Variants in PFKFB2 observed in about 807,000 individuals in gnomAD.
PFKFB2 encodes 6-phosphofructo-2-kinase/fructose-2,6-biphosphatase 2.
A neutral mutation model predicts 68.0 loss-of-function variants in PFKFB2; 53 were observed. The ratio of observed to expected loss-of-function variants is 0.78; its 90% CI spans 0.63 to 0.98. PFKFB2 has a LOEUF of 0.98. Among genes scored for constraint, PFKFB2 ranks in the 50% least tolerant of loss-of-function variants. The pLI is 0.00. For missense variants in PFKFB2, 451 were observed against 642.0 expected (o/e 0.70, Z 3.22); for synonymous variants, 222 against 227.6 (o/e 0.98, Z 0.22).
At chr1:207,061,165 TTA>T (rs201702529) in intron 2 of PFKFB2, among the ~76,000 whole-genome samples, 839 of 45,092 alleles carry the variant, frequency 0.019, 19 homozygotes, top group East Asian at 0.034. Context: ...ATATATATCT[TTA>T]TATATATATA....
chr1:207,038,352 G>GC (rs1215199557), intron 1 of PFKFB2, among the ~76,000 whole-genome samples: 4 of 152,132 alleles, frequency 2.6e-5, no homozygotes, highest in Non-Finnish European at 5.9e-5. Context: ...AGCAAATAAA[G>GC]CCTGTTAAAT....
intron 2 of PFKFB2, chr1:207,044,656 C>A (rs1289234970): frequency 6.6e-6 from 1 of 152,266 alleles, no homozygotes; most frequent in Non-Finnish European, 1.5e-5. Flanking sequence ...GCTTTTTCAC[C>A]TATGGCCATG....
intron 2 of PFKFB2, chr1:207,048,099 C>T (rs1030040573): frequency 3.9e-5 from 6 of 152,522 alleles, no homozygotes; most frequent in Admixed American, 3.9e-4. Context: ...GAAGAAAAAA[C>T]TGAGGACTCG....
upstream of PFKFB2, chr1:207,048,803 G>C (rs1464020131): frequency 5.7e-6 from 3 of 523,684 alleles, no homozygotes; most frequent in East Asian, 3.2e-5. Flanking sequence ...AGCAGAAAGA[G>C]GCATGTATGT....
At position 207,069,843 on chromosome 1, in the gene PFKFB2, G is replaced by A. The variant is rs553722575; in HGVS notation, c.1092+315G>A. ...AAGTGGAGTCACCAAGTAAATATAT[G>A]GGATAGGAATTATTTCCCTGTCATC... On this transcript the variant is annotated intron_variant, in intron 11 of 14. Transcript: ENST00000367080. Among the ~76,000 whole-genome samples, 21 of 152,220 alleles carry A rather than the reference G, an allele frequency of 1.4e-4. 1 individual carries two copies. The South Asian group carries it at 4.4e-3, about 32-fold the overall frequency.
upstream of PFKFB2, chr1:207,049,079 G>A: frequency 6.2e-7 from 1 of 1,613,910 alleles, no homozygotes; most frequent in Non-Finnish European, 8.5e-7. Context: ...GCTTCTGCTT[G>A]TCCAGTTAAT....
chr1:207,070,260 T>G lies in PFKFB2; in HGVS notation c.1093-20T>G, dbSNP rs547101286. On this transcript the variant is annotated intron_variant, in intron 11 of 14. Transcript: ENST00000367080. The surrounding 1 kb of genome is among the most constrained non-coding windows in gnomAD (Gnocchi z 4.2). The stretch of plus-strand genomic sequence containing the variant: ...GCTTGCACCTGGGCTCCTGCCAGCC[T>G]GCCCCATTTCCCTCCACAGTCATAC... 8 of 1,612,204 alleles carry G rather than the reference T, an allele frequency of 5.0e-6. No homozygotes were observed. In the Admixed American group the frequency reaches 1.3e-4, roughly 27 times the overall value.
chr1:207,036,636 C>T (rs1365521520), intron 1 of PFKFB2, among the ~76,000 whole-genome samples: 3 of 152,208 alleles, frequency 2.0e-5, no homozygotes, highest in African/African-American at 7.2e-5. Flanking sequence ...ATGCCACATT[C>T]CCATCCCCAA....
chr1:207,051,035 A>G, upstream of PFKFB2: 1 of 1,499,190 alleles, frequency 6.7e-7, no homozygotes, highest in Non-Finnish European at 8.9e-7. Context: ...AAACATCGCG[A>G]GAAGTTGCGG....
intron 1 of PFKFB2, among the ~76,000 whole-genome samples, chr1:207,054,045 A>T (rs1682840926): frequency 6.6e-6 from 1 of 151,252 alleles, no homozygotes; most frequent in South Asian, 2.1e-4. Flanking sequence ...CTGGGACTAC[A>T]GGCGCGCACC....
intron 1 of PFKFB2, among the ~76,000 whole-genome samples, chr1:207,040,726 G>C (rs1046107827): frequency 6.6e-6 from 1 of 152,012 alleles, no homozygotes; most frequent in African/African-American, 2.4e-5. Flanking sequence ...TCTCATTCAG[G>C]CTTAAAGATA....
At chr1:207,040,435 T>C (rs1682454397) in intron 1 of PFKFB2, among the ~76,000 whole-genome samples, 1 of 152,208 alleles carries the variant, frequency 6.6e-6, no homozygotes, top group Non-Finnish European at 1.5e-5. Flanking sequence ...GAAGGAATTC[T>C]AGGTCAGAAG....
chr1:207,050,982 C>T (rs1325347603), upstream of PFKFB2: 9 of 1,537,064 alleles, frequency 5.9e-6, no homozygotes, highest in African/African-American at 9.6e-5. Flanking sequence ...CCGGGGAAAC[C>T]AGGCGCCGGG....
chr1:207,064,279 C>T (rs115681425), intron 7 of PFKFB2, among the ~76,000 whole-genome samples: 219 of 151,758 alleles, frequency 1.4e-3, no homozygotes, highest in African/African-American at 4.8e-3. Flanking sequence ...CACAGTGAGC[C>T]GTGATTGTGC....
At chr1:207,057,675 TC>T (rs1682971921) in intron 2 of PFKFB2, among the ~76,000 whole-genome samples, 1 of 152,208 alleles carries the variant, frequency 6.6e-6, no homozygotes, top group African/African-American at 2.4e-5. Context: ...TCCTGTTTCT[TC>T]CAAATTTGAT....
chr1:207,062,534 A>T (rs538144785), intron 3 of PFKFB2, 86 bp from the exon 4 acceptor site: 5 of 1,554,672 alleles, frequency 3.2e-6, no homozygotes, highest in African/African-American at 1.4e-5. Flanking sequence ...CCCCTTGGTC[A>T]CTCCGACATT....
upstream of PFKFB2, chr1:207,049,694 T>C (rs771050145): frequency 6.2e-6 from 10 of 1,613,964 alleles, no homozygotes; most frequent in Non-Finnish European, 7.6e-6. Context: ...CTGGGCCTGG[T>C]TTGGTCTTCT....
At position 207,076,315 on chromosome 1, in the gene PFKFB2, G is replaced by A. The variant is rs888071871; in HGVS notation, c.*3944G>A. The stretch of plus-strand genomic sequence containing the variant: ...ACAGAAACTCATTGGTGGTTGGAGT[G>A]GCCAATGGGCACGGGAAAAAGTATC... On this transcript the variant is annotated 3_prime_UTR_variant, in exon 15 of 15. Coordinates refer to ENST00000367080, the MANE Select transcript of PFKFB2 (RefSeq NM_006212.2). The A allele has an allele frequency of 7.1e-6, 7 of 982,608 alleles. No homozygotes were observed. In the African/African-American group the frequency reaches 1.2e-4, roughly 17 times the overall value. The allele number at this position is 982,608 out of a possible 1,614,324, so 60.9% of individuals were successfully genotyped here. A position where few individuals can be genotyped will look rare whatever the true frequency, so the allele number is the denominator to read the frequency against.
Position 207,075,633 on chromosome 1 carries a change from A to C in PFKFB2, c.*3262A>C. The C allele has an allele frequency of 1.0e-6, 1 of 985,058 alleles. No individual in the cohort carries two copies. Among genetic ancestry groups the C allele is most frequent in the Non-Finnish European group, 1.2e-6 (1 of 829,564 alleles). The allele number at this position is 985,058 out of a possible 1,614,324, so 61.0% of individuals were successfully genotyped here. On this transcript the variant is annotated 3_prime_UTR_variant, in exon 15 of 15. Transcript: ENST00000367080. The stretch of plus-strand genomic sequence containing the variant: ...AGGTAAAGACATTAGCATTTAATCT[A>C]CTGGAATAAGCTGGTTGCTGTGGCT...
Sources: allele counts gnomAD v4.1 joint callset (sites outside exome capture counted in the v4.1 genomes callset), GRCh38; gene constraint gnomAD v4.1.1; non-coding constraint Gnocchi (gnomAD v3.1); transcripts MANE v1.5; gene names NCBI Gene and HGNC (gene_info 2026-07-23, HGNC 2026-07-21).